The following TTC28 variants were observed in gnomAD, a reference collection of about 807,000 sequenced individuals.
TTC28 encodes the protein tetratricopeptide repeat domain 28.
A neutral mutation model predicts 198.0 loss-of-function variants in TTC28; 61 were observed. That is an observed-to-expected ratio of 0.31 (90% CI 0.25 to 0.38). The LOEUF is 0.38. Ranked by LOEUF, TTC28 falls within the 10% of genes least tolerant of loss-of-function variation. TTC28 has a pLI of 1.00. For synonymous variants in TTC28, 1,171 were observed against 1,297.8 expected, an observed-to-expected ratio of 0.90 and a Z score of 2.10; for missense variants, 2,678 against 3,164.0, an observed-to-expected ratio of 0.85 and a Z score of 3.69.
chr22:28,635,231 G>A (rs1447960401), intron 1 of TTC28, among the ~76,000 whole-genome samples: 5 of 152,160 alleles, frequency 3.3e-5, no homozygotes, highest in African/African-American at 1.2e-4. Flanking sequence ...TGAGGCAGGA[G>A]AATGGCATGA....
chr22:28,445,246 G>C (rs1253746424), intron 2 of TTC28, among the ~76,000 whole-genome samples: 1 of 152,112 alleles, frequency 6.6e-6, no homozygotes, highest in East Asian at 1.9e-4. Flanking sequence ...CATCACATAG[G>C]ATAGAAAGGT....
At chr22:28,313,521 A>C (rs777265622) in intron 2 of TTC28, among the ~76,000 whole-genome samples, 25 of 152,226 alleles carry the variant, frequency 1.6e-4, no homozygotes, top group Admixed American at 3.9e-4. Flanking sequence ...ACAACAATCA[A>C]GACGGCTTCA....
chr22:28,497,445 T>C (rs1399895632), intron 2 of TTC28, among the ~76,000 whole-genome samples: 1 of 152,086 alleles, frequency 6.6e-6, no homozygotes. Context: ...ATTTACTCAG[T>C]GGTTCTCAAA....
intron 5 of TTC28, among the ~76,000 whole-genome samples, chr22:28,279,592 G>C (rs1343608563): frequency 6.6e-6 from 1 of 152,084 alleles, no homozygotes; most frequent in Non-Finnish European, 1.5e-5. Flanking sequence ...GGCTGGTCTC[G>C]AACTTCTTAT....
chr22:28,446,577 T>C (rs574533126), intron 2 of TTC28, among the ~76,000 whole-genome samples: 1 of 152,254 alleles, frequency 6.6e-6, no homozygotes, highest in African/African-American at 2.4e-5. Context: ...CATCCCCCCA[T>C]CTTGTTCCCG....
At chr22:28,392,069 C>A (rs1335993107) in intron 2 of TTC28, among the ~76,000 whole-genome samples, 1 of 152,114 alleles carries the variant, frequency 6.6e-6, no homozygotes. Context: ...CAGACAGGAC[C>A]CTCAGCTGCA....
intron 5 of TTC28, among the ~76,000 whole-genome samples, chr22:28,192,775 GAAA>G (rs1924952877): frequency 6.6e-6 from 1 of 152,196 alleles, no homozygotes; most frequent in African/African-American, 2.4e-5. Flanking sequence ...CAGCCTCCAA[GAAA>G]TATGGGACTA....
chr22:28,221,614 ACT>A (rs1927877085), intron 5 of TTC28, among the ~76,000 whole-genome samples: 1 of 151,946 alleles, frequency 6.6e-6, no homozygotes, highest in Non-Finnish European at 1.5e-5. Flanking sequence ...CATGCTTGAC[ACT>A]CCTTAGACTG....
intron 2 of TTC28, among the ~76,000 whole-genome samples, chr22:28,622,587 A>G (rs1181294057): frequency 1.3e-5 from 2 of 152,192 alleles, no homozygotes; most frequent in Non-Finnish European, 2.9e-5. Flanking sequence ...GAATAATACA[A>G]TGGTAGACGC....
chr22:28,033,075 C>T (rs73880374), intron 12 of TTC28, among the ~76,000 whole-genome samples: 10,639 of 152,162 alleles, frequency 0.07, 430 homozygotes, highest in South Asian at 0.09. Flanking sequence ...GCTGAGAAAT[C>T]GGCTTATCAT....
intron 6 of TTC28, among the ~76,000 whole-genome samples, chr22:28,125,556 C>G (rs1410584610): frequency 1.3e-5 from 2 of 152,172 alleles, no homozygotes; most frequent in Non-Finnish European, 2.9e-5. Flanking sequence ...GGCAAAAGAA[C>G]AAAGAATGGT....
intron 12 of TTC28, among the ~76,000 whole-genome samples, chr22:28,032,100 CT>C (rs1939107863): frequency 6.8e-6 from 1 of 147,882 alleles, no homozygotes. Flanking sequence ...AATAAGTTTC[CT>C]TTATCTCTTT....
intron 2 of TTC28, among the ~76,000 whole-genome samples, chr22:28,542,305 G>A (rs1045039269): frequency 6.6e-6 from 1 of 151,980 alleles, no homozygotes; most frequent in African/African-American, 2.4e-5. Context: ...GAGCATCAGC[G>A]GCCAATGGAA....
chr22:28,343,367 T>C (rs1402983644), intron 2 of TTC28, among the ~76,000 whole-genome samples: 4 of 151,720 alleles, frequency 2.6e-5, no homozygotes, highest in Admixed American at 2.6e-4. Flanking sequence ...CCATCTCTAG[T>C]AAAAATACAA....
intron 5 of TTC28, among the ~76,000 whole-genome samples, chr22:28,262,046 C>T (rs1420130110): frequency 6.6e-6 from 1 of 152,130 alleles, no homozygotes; most frequent in Non-Finnish European, 1.5e-5. Flanking sequence ...TAACTTCAGG[C>T]TTTAAATGTC....
At chr22:28,271,613 T>C (rs1932080025) in intron 5 of TTC28, among the ~76,000 whole-genome samples, 1 of 151,744 alleles carries the variant, frequency 6.6e-6, no homozygotes, top group Non-Finnish European at 1.5e-5. Context: ...CGAGATCTGG[T>C]GGTTTTTTTT....
At chr22:28,123,734 G>C (rs1010622448) in intron 6 of TTC28, among the ~76,000 whole-genome samples, 1 of 152,034 alleles carries the variant, frequency 6.6e-6, no homozygotes, top group Non-Finnish European at 1.5e-5. Context: ...TGTAATCCTA[G>C]CATTTTGGGA....
At chr22:28,460,291 C>T (rs1272401261) in intron 2 of TTC28, among the ~76,000 whole-genome samples, 1 of 151,880 alleles carries the variant, frequency 6.6e-6, no homozygotes, top group Non-Finnish European at 1.5e-5. Context: ...TTTTGTTTAA[C>T]TAGTTTTGTA....
chr22:27,985,207 G>A (rs1937169104), intron 22 of TTC28, 42 bp downstream of exon 22: 1 of 1,424,256 alleles, frequency 7.0e-7, no homozygotes, highest in Non-Finnish European at 9.7e-7. Context: ...GGGAGAGCAT[G>A]GCAGGCCCTG....
Sources: allele counts gnomAD v4.1 joint callset (sites outside exome capture counted in the v4.1 genomes callset), GRCh38; gene constraint gnomAD v4.1.1; transcripts MANE v1.5; gene names NCBI Gene and HGNC (gene_info 2026-07-23, HGNC 2026-07-21).